Variants in FGFR1 observed in about 807,000 individuals in gnomAD.
The protein encoded by FGFR1 is FGFR1/PLAG1 fusion.
Under a neutral mutation model 93.7 loss-of-function variants are expected in FGFR1, and 18 were observed. That is an observed-to-expected ratio of 0.19 (90% CI 0.13 to 0.28). FGFR1 has a LOEUF of 0.28. Ranked by LOEUF, FGFR1 falls within the 10% of genes least tolerant of loss-of-function variation. The probability of loss-of-function intolerance (pLI) is 1.00; values close to 1 mark genes in which losing one functional copy is unlikely to be tolerated. For synonymous variants in FGFR1, 448 were observed against 429.3 expected (o/e 1.04, Z -0.54); for missense variants, 731 against 1,080.4 (o/e 0.68, Z 4.53).
rs1457411375 is a variant in FGFR1, at chr8:38,413,418, C to T, written c.*210G>A. 8 of 594,354 alleles carry T rather than the reference C, an allele frequency of 1.3e-5. No individual in the cohort carries two copies. The highest frequency in any genetic ancestry group is 2.4e-5 in the Non-Finnish European group (8 of 335,398). The allele number at this position is 594,354 out of a possible 1,614,324, so 36.8% of individuals were successfully genotyped here. On this transcript the variant is annotated 3_prime_UTR_variant, in exon 18 of 18. Transcript: ENST00000447712. This position sits in a 1 kb window ranked among gnomAD's most constrained non-coding sequence, Gnocchi z 4.2. ...AGTGGCTGGCAGCAAAGATCTGCCT[C>T]TTTGCACCTCTCACCAGCAGGTGGA...
In FGFR1 at chr8:38,447,968, C is replaced by A. The variant is rs117034618; in HGVS notation, c.91+9388G>T. 7.1e-3 allele frequency among the ~76,000 whole-genome samples: 1,079 copies of A among 152,184 alleles called. 7 individuals are homozygous for A. Among genetic ancestry groups the A allele is most frequent in the Non-Finnish European group, 0.011 (774 of 67,992 alleles). On this transcript the variant is annotated intron_variant, in intron 2 of 17. Coordinates refer to ENST00000447712, the MANE Select transcript of FGFR1 (RefSeq NM_023110.3). Reference sequence around the variant, plus strand: ...AACTATTGAAAATAACCTAAATGCCCAAATGTAGAGAACTGGATCAACTTT... The same window carrying A: ...AACTATTGAAAATAACCTAAATGCCAAAATGTAGAGAACTGGATCAACTTT...
intron 2 of FGFR1, among the ~76,000 whole-genome samples, chr8:38,436,619 T>G (rs1825530469): frequency 1.3e-5 from 2 of 151,798 alleles, no homozygotes; most frequent in Non-Finnish European, 2.9e-5. Context: ...GTGACAAGGA[T>G]TCATACATCA....
intron 11 of FGFR1, 31 bp from the exon 12 acceptor site, chr8:38,417,447 T>C (rs1021446125): frequency 2.5e-6 from 4 of 1,588,492 alleles, no homozygotes; most frequent in Admixed American, 1.7e-5. Flanking sequence ...CTCATTTACT[T>C]GGGAAGGGAG....
chr8:38,414,769 C>T lies in FGFR1; in HGVS notation c.1977+10G>A, dbSNP rs770318743. On this transcript the variant is annotated intron_variant, in intron 14 of 17. Coordinates refer to ENST00000447712, the MANE Select transcript of FGFR1 (RefSeq NM_023110.3). ...AACCACCAGCACAGGGCGGCCTTGT[C>T]GGCACTCACGTTGGTTGTCTTTTTA... 1.4e-4 allele frequency: 231 copies of T among 1,613,938 alleles called. No homozygotes were observed. The highest frequency in any genetic ancestry group is 1.8e-4 in the Non-Finnish European group (212 of 1,180,048).
intron 1 of FGFR1, among the ~76,000 whole-genome samples, chr8:38,459,320 G>C (rs889103672): frequency 1.3e-5 from 2 of 152,178 alleles, no homozygotes; most frequent in African/African-American, 4.8e-5. Flanking sequence ...CCCCTCGCAA[G>C]TGAGTCAGTG....
chr8:38,436,181 C>T (rs753515940), intron 2 of FGFR1, among the ~76,000 whole-genome samples: 11 of 152,152 alleles, frequency 7.2e-5, no homozygotes, highest in Admixed American at 2.0e-4. Flanking sequence ...TCAAAACCAG[C>T]CCTGGCAACA....
chr8:38,422,368 A>C (rs1365693430), intron 7 of FGFR1: 1 of 394,110 alleles, frequency 2.5e-6, no homozygotes, highest in African/African-American at 2.0e-5. Flanking sequence ...GTGCATACAC[A>C]GCCAGCAGAT....
intron 9 of FGFR1, 194 bp from the exon 10 acceptor site, chr8:38,418,567 C>T (rs1389445668): frequency 4.7e-6 from 3 of 631,846 alleles, no homozygotes; most frequent in South Asian, 2.0e-5. Context: ...ATTTCTGCCA[C>T]AAGCTGGCCT....
At chr8:38,452,141 G>C (rs185758345) in intron 2 of FGFR1, among the ~76,000 whole-genome samples, 1 of 151,710 alleles carries the variant, frequency 6.6e-6, no homozygotes, top group South Asian at 2.1e-4. Context: ...CTTGCAGACT[G>C]AGGGGCGTTG....
At chr8:38,437,506 A>C (rs1825846508) in intron 2 of FGFR1, among the ~76,000 whole-genome samples, 1 of 152,226 alleles carries the variant, frequency 6.6e-6, no homozygotes, top group South Asian at 2.1e-4. Context: ...AACATAAAGA[A>C]AAGTATCAGC....
chr8:38,458,016 G>C (rs1315862134), intron 1 of FGFR1, among the ~76,000 whole-genome samples: 2 of 152,074 alleles, frequency 1.3e-5, no homozygotes, highest in Non-Finnish European at 2.9e-5. Context: ...ATTGGACAGA[G>C]GGATGCTTTA....
At chr8:38,431,606 C>T (rs564000366) in intron 2 of FGFR1, among the ~76,000 whole-genome samples, 3 of 152,100 alleles carry the variant, frequency 2.0e-5, no homozygotes, top group Admixed American at 6.6e-5. Context: ...ATGGGTGTCC[C>T]GCGCATCATG....
chr8:38,428,646 C>T lies in FGFR1; in HGVS notation c.359-211G>A. 5.1e-6 allele frequency: 3 copies of T among 587,396 alleles called. No homozygotes were observed. The Admixed American group carries it at 8.1e-5, about 16-fold the overall frequency. 36.4% of individuals were successfully genotyped at this position (587,396 alleles called of 1,614,324 possible). ...TTCCCCGAAGCACTGCCCCCACTGC[C>T]TGGAAGCCTTCACACTGGGTGGTTC... is the stretch of plus-strand genomic sequence containing the variant. On this transcript the variant is annotated intron_variant, in intron 3 of 17. Transcript: ENST00000447712.
At chr8:38,455,061 T>C (rs1258377721) in intron 2 of FGFR1, among the ~76,000 whole-genome samples, 2 of 144,844 alleles carry the variant, frequency 1.4e-5, no homozygotes, top group African/African-American at 5.0e-5. Flanking sequence ...CTGCAACCTC[T>C]ACCTCCCAGG....
intron 1 of FGFR1, among the ~76,000 whole-genome samples, chr8:38,461,803 C>T (rs567047181): frequency 5.9e-5 from 9 of 152,216 alleles, no homozygotes; most frequent in African/African-American, 1.9e-4. Flanking sequence ...TCTAAAGTAC[C>T]AACCAAATGT....
intron 2 of FGFR1, among the ~76,000 whole-genome samples, chr8:38,436,023 C>T (rs988984316): frequency 2.0e-5 from 3 of 152,156 alleles, no homozygotes; most frequent in Non-Finnish European, 4.4e-5. Context: ...GGTGACCTAG[C>T]CTGAGGCTGA....
intron 8 of FGFR1, among the ~76,000 whole-genome samples, chr8:38,420,674 G>A (rs1028131333): frequency 6.6e-6 from 1 of 152,010 alleles, no homozygotes; most frequent in South Asian, 2.1e-4. Context: ...TTGCCCCACG[G>A]GTGTGGACGG....
At chr8:38,453,710 T>C (rs949476407) in intron 2 of FGFR1, among the ~76,000 whole-genome samples, 2 of 152,184 alleles carry the variant, frequency 1.3e-5, no homozygotes, top group Non-Finnish European at 2.9e-5. Context: ...AAGGCCAACC[T>C]GGTGAAACCC....
intron 2 of FGFR1, among the ~76,000 whole-genome samples, chr8:38,445,878 T>C (rs1309530412): frequency 1.3e-5 from 2 of 152,068 alleles, no homozygotes; most frequent in African/African-American, 2.4e-5. Context: ...AAGTTTTGAA[T>C]GCCTAACTTC....
Sources: gnomAD v4.1 joint callset for allele counts (sites outside exome capture counted in the v4.1 genomes callset) on GRCh38, gnomAD v4.1.1 for gene constraint, Gnocchi (gnomAD v3.1) non-coding constraint, MANE v1.5 for transcripts, NCBI Gene and HGNC (gene_info 2026-07-23, HGNC 2026-07-21) for gene names.